The following NHSL1 variants were observed in gnomAD, a reference collection of about 807,000 sequenced individuals.
NHSL1 encodes the protein NHS-like protein 1.
NHSL1 carries 48 observed loss-of-function variants against 95.0 expected under a neutral mutation model. The ratio of observed to expected loss-of-function variants is 0.51; its 90% CI spans 0.40 to 0.64. The LOEUF (loss-of-function observed/expected upper bound fraction) is 0.64. Among genes scored for constraint, NHSL1 ranks in the 30% least tolerant of loss-of-function variants. The pLI is 0.00. For synonymous variants in NHSL1, 783 were observed against 833.9 expected, an observed-to-expected ratio of 0.94 and a Z score of 1.05; for missense variants, 1,971 against 2,077.7, an observed-to-expected ratio of 0.95 and a Z score of 1.00.
chr6:138,595,239 C>T (rs897864962), intron 1 of NHSL1, among the ~76,000 whole-genome samples: 5 of 152,056 alleles, frequency 3.3e-5, no homozygotes, highest in African/African-American at 1.2e-4. Context: ...CAGTATATGT[C>T]AGGAAAAGGA....
In NHSL1 at chr6:138,666,075, G is replaced by A. The variant is rs137889766; in HGVS notation, c.96+26401C>T. Among the ~76,000 whole-genome samples the A allele has an allele frequency of 1.3e-4, 20 of 151,064 alleles. No homozygotes were observed. The East Asian group carries it at 2.4e-3, about 18-fold the overall frequency. ...TCCCAGCACTTTGGGAGGCCAAGGC[G>A]GGCGGATCACCTGAAGTCAGGAGTT... is the stretch of plus-strand genomic sequence containing the variant. On this transcript the variant is annotated intron_variant, in intron 1 of 3. Coordinates refer to the NHSL1 transcript ENST00000491526.
At chr6:138,601,518 T>C (rs116250648) in intron 1 of NHSL1, among the ~76,000 whole-genome samples, 280 of 152,204 alleles carry the variant, frequency 1.8e-3, no homozygotes, top group African/African-American at 5.3e-3. Context: ...ATACTGATTA[T>C]AAGAGTTTTT....
intron 1 of NHSL1, among the ~76,000 whole-genome samples, chr6:138,675,870 G>A (rs941725833): frequency 4.6e-5 from 7 of 152,136 alleles, no homozygotes; most frequent in African/African-American, 1.4e-4. Context: ...CTGCACTGTA[G>A]GTCTACATAT....
chr6:138,663,451 C>T (rs1176817250), intron 1 of NHSL1, among the ~76,000 whole-genome samples: 2 of 148,742 alleles, frequency 1.3e-5, no homozygotes, highest in Non-Finnish European at 3.0e-5. Context: ...CTCAGCTACG[C>T]GGGAGGCTAA....
chr6:138,539,997 A>T (rs879453523), intron 1 of NHSL1, among the ~76,000 whole-genome samples: 3 of 152,224 alleles, frequency 2.0e-5, no homozygotes, highest in Admixed American at 6.5e-5. Flanking sequence ...AAAAGAAATA[A>T]AGGGCTAGCC....
chr6:138,492,893 C>A (rs1780156834), intron 2 of NHSL1, among the ~76,000 whole-genome samples: 1 of 152,098 alleles, frequency 6.6e-6, no homozygotes, highest in South Asian at 2.1e-4. Context: ...ACCTAGCTAC[C>A]TTTCTATATT....
At position 138,660,953 on chromosome 6, in the gene NHSL1, G is replaced by A. The variant is rs539747739; in HGVS notation, c.96+31523C>T. ...CTAAAACTACAAAAATTAGCTGGGC[G>A]TGGTGGCGCACGCCTGTAGTCCCAG... On this transcript the variant is annotated intron_variant, in intron 1 of 3. Transcript: ENST00000491526. Among the ~76,000 whole-genome samples the A allele has an allele frequency of 3.9e-5, 6 of 152,296 alleles. No individual in the cohort carries two copies. In the East Asian group the frequency reaches 5.8e-4, roughly 15 times the overall value.
At chr6:138,567,338 A>G (rs1254189490) in intron 1 of NHSL1, among the ~76,000 whole-genome samples, 1 of 152,114 alleles carries the variant, frequency 6.6e-6, no homozygotes, top group Non-Finnish European at 1.5e-5. Context: ...CGTGTTCCCC[A>G]GGCTGGTCTT....
chr6:138,670,371 A>G (rs73568754), intron 1 of NHSL1, among the ~76,000 whole-genome samples: 2 of 111,528 alleles, frequency 1.8e-5, no homozygotes, highest in African/African-American at 7.5e-5. Context: ...CGTTGAAGGT[A>G]AAAAAAAAAA....
At chr6:138,650,419 G>T in intron 1 of NHSL1, 1 of 1,428,104 alleles carries the variant, frequency 7.0e-7, no homozygotes, top group Non-Finnish European at 9.8e-7. Context: ...GGGTAGGTCA[G>T]CATGCTCACT....
chr6:138,648,904 A>G (rs1785053347), intron 1 of NHSL1, among the ~76,000 whole-genome samples: 3 of 152,220 alleles, frequency 2.0e-5, no homozygotes. Flanking sequence ...AGGAATGAAT[A>G]TAGTCAACTA....
At chr6:138,494,073 A>G (rs776679467) in intron 2 of NHSL1, among the ~76,000 whole-genome samples, 1 of 152,212 alleles carries the variant, frequency 6.6e-6, no homozygotes, top group Non-Finnish European at 1.5e-5. Flanking sequence ...AGGAACAAAA[A>G]ATAGAACCAT....
chr6:138,627,309 A>C (rs1353598520), intron 1 of NHSL1, among the ~76,000 whole-genome samples: 1 of 152,242 alleles, frequency 6.6e-6, no homozygotes, highest in Non-Finnish European at 1.5e-5. Context: ...TTAATACACA[A>C]AAAGTTTTTT....
intron 1 of NHSL1, among the ~76,000 whole-genome samples, chr6:138,611,670 C>T (rs1264559953): frequency 6.6e-6 from 1 of 151,986 alleles, no homozygotes; most frequent in Admixed American, 6.6e-5. Context: ...GGCGTGAACC[C>T]GGGAGGCGGA....
rs117514893 is a variant in NHSL1 at position 138,445,220 on chromosome 6, T to C, written c.532+1781A>G. ...ACCTTAATTCCATTAAGGATTGTCATATTTCATTGCACAATCTTCTTATCT... is the reference window on the plus strand; with the variant it reads ...ACCTTAATTCCATTAAGGATTGTCACATTTCATTGCACAATCTTCTTATCT... On this transcript the variant is annotated intron_variant, in intron 4 of 7. Transcript: ENST00000343505. Among the ~76,000 whole-genome samples the C allele has an allele frequency of 2.2e-4, 33 of 152,346 alleles. No individual in the cohort carries two copies. In the East Asian group the frequency reaches 4.4e-3, roughly 20 times the overall value.
chr6:138,449,138 C>G (rs4895529), intron 3 of NHSL1, among the ~76,000 whole-genome samples: 9,483 of 151,672 alleles, frequency 0.063, 784 homozygotes, highest in East Asian at 0.36. Context: ...CTGCAAAAAT[C>G]TGTATTTATT....
upstream of NHSL1, among the ~76,000 whole-genome samples, chr6:138,500,955 AG>A (rs1478170735): frequency 6.6e-6 from 1 of 152,216 alleles, no homozygotes; most frequent in African/African-American, 2.4e-5. Flanking sequence ...TGAGCCTGTA[AG>A]TCAGATTATG....
chr6:138,461,333 C>T (rs1232564420), intron 3 of NHSL1, among the ~76,000 whole-genome samples: 2 of 152,034 alleles, frequency 1.3e-5, no homozygotes, highest in African/African-American at 4.8e-5. Context: ...GTGAAATCAC[C>T]CAAGGAGTCA....
rs1338790864 is a variant in NHSL1, at chr6:138,657,110, C to CA, written c.96+35365dup. ...TCATTAGGAATGCTTTCACCTGCAA[C>CA]AAAAAAAAAACCCCTGCATTGGGGT... is the stretch of plus-strand genomic sequence containing the variant. On this transcript the variant is annotated intron_variant, in intron 1 of 3. Coordinates refer to the NHSL1 transcript ENST00000491526. 2.3e-3 allele frequency among the ~76,000 whole-genome samples: 339 copies of CA among 146,494 alleles called. 1 individual carries two copies. Among genetic ancestry groups the CA allele is most frequent in the Middle Eastern group, 7.0e-3 (2 of 284 alleles).
Sources: allele counts gnomAD v4.1 joint callset (sites outside exome capture counted in the v4.1 genomes callset), GRCh38; gene constraint gnomAD v4.1.1; transcripts MANE v1.5; gene names NCBI Gene and HGNC (gene_info 2026-07-23, HGNC 2026-07-21).